RANBP3L: variants seen among roughly 807,000 people sequenced by gnomAD.
RANBP3L encodes RAN binding protein 3 like.
A neutral mutation model predicts 67.2 loss-of-function variants in RANBP3L; 56 were observed. The observed-to-expected ratio is 0.83, with a 90% CI of 0.67 to 1.04. RANBP3L has a LOEUF of 1.04. Among genes scored for constraint, RANBP3L ranks in the 50% least tolerant of loss-of-function variants. The pLI is 0.00. For synonymous variants in RANBP3L, 164 were observed against 181.4 expected (o/e 0.90, Z 0.77); for missense variants, 496 against 535.5 (o/e 0.93, Z 0.73).
intron 1 of RANBP3L, among the ~76,000 whole-genome samples, chr5:36,300,157 C>G (rs1752516003): frequency 6.6e-6 from 1 of 152,168 alleles, no homozygotes; most frequent in South Asian, 2.1e-4. Flanking sequence ...TGTTTACTAA[C>G]AGAGAAGCAA....
Position 36,257,564 on chromosome 5 carries a change from C to T in RANBP3L, c.670-8G>A, listed in dbSNP as rs374850317. 4.8e-5 allele frequency: 63 copies of T among 1,311,846 alleles called. No homozygotes were observed. Among genetic ancestry groups the T allele is most frequent in the African/African-American group, 8.9e-5 (6 of 67,084 alleles). 81.3% of individuals were successfully genotyped at this position (1,311,846 alleles called of 1,614,324 possible). A position where few individuals can be genotyped will look rare whatever the true frequency, so the allele number is the denominator to read the frequency against. On this transcript the variant is annotated splice_polypyrimidine_tract_variant and splice_region_variant and intron_variant, in intron 8 of 13. Transcript: ENST00000296604. ...GGTGAGTTTTTGAGTACCCTGAGAG[C>T]GGAAAAAGATGCATTATTTTATTTA...
chr5:36,269,095 C>T (rs1199322625), intron 4 of RANBP3L, among the ~76,000 whole-genome samples: 3 of 152,154 alleles, frequency 2.0e-5, no homozygotes, highest in African/African-American at 7.2e-5. Context: ...TAGCAAAATA[C>T]AGAGGCATGG....
chr5:36,268,114 A>T (rs981796972), intron 4 of RANBP3L: 13 of 936,626 alleles, frequency 1.4e-5, no homozygotes, highest in Non-Finnish European at 1.9e-5. Flanking sequence ...TATGATCGCT[A>T]AAAAAGAAAA....
At chr5:36,266,628 TC>T (rs1374754515) in intron 4 of RANBP3L, among the ~76,000 whole-genome samples, 1 of 152,194 alleles carries the variant, frequency 6.6e-6, no homozygotes, top group Non-Finnish European at 1.5e-5. Flanking sequence ...TGTGTGAGTG[TC>T]CAGTAAAAAA....
chr5:36,259,810 T>G (rs1365477952), intron 8 of RANBP3L, among the ~76,000 whole-genome samples: 1 of 152,066 alleles, frequency 6.6e-6, no homozygotes, highest in Non-Finnish European at 1.5e-5. Context: ...ACCATAGGCA[T>G]GGTTTTCCAC....
At chr5:36,249,718 GT>G in intron 13 of RANBP3L, 21 bp from the exon 14 acceptor site, 2 of 1,429,538 alleles carry the variant, frequency 1.4e-6, no homozygotes, top group Non-Finnish European at 1.9e-6. Flanking sequence ...AATTTAAAAT[GT>G]TTTATTATAC....
At position 36,249,675 on chromosome 5, in the gene RANBP3L, T is replaced by C; in HGVS notation, c.1377A>G (p.Arg459=). 1 of 1,559,322 alleles carries C rather than the reference T, an allele frequency of 6.4e-7. No individual in the cohort carries two copies. The highest frequency in any genetic ancestry group is 8.8e-7 in the Non-Finnish European group (1 of 1,140,960). The part of the protein sequence containing the change: ...NGSDPSSWTH[R]QSVACS ...GTATTCATGAACAGGCAACCGACTG[T>C]CTGTGAGTCCAACTAGAAGGATCTG... Residue 459 remains arginine, a synonymous_variant, in exon 14 of 14, where the codon AGA becomes AGG. Transcript: ENST00000296604.
intron 1 of RANBP3L, among the ~76,000 whole-genome samples, chr5:36,273,476 G>C (rs1750367333): frequency 6.6e-6 from 1 of 152,160 alleles, no homozygotes; most frequent in South Asian, 2.1e-4. Context: ...AGGGACACAT[G>C]GTCTAATTGA....
Position 36,253,696 on chromosome 5 carries a change from ATTCGTACATTT to A in RANBP3L, c.1107_1117del (p.Lys369AsnfsTer5). The A allele has an allele frequency of 6.2e-7, 1 of 1,611,622 alleles. No homozygotes were observed. The highest frequency in any genetic ancestry group is 8.5e-7 in the Non-Finnish European group (1 of 1,177,854). ...ATAGTCTTCTAAATCAGTAGCTGTT[ATTCGTACATTT>A]TTGTGGTTTGCTCTTTGAATCTTCA... On this transcript the variant is annotated frameshift_variant, in exon 12 of 14. Coordinates refer to ENST00000296604, the MANE Select transcript of RANBP3L (RefSeq NM_145000.5). LOFTEE classifies it high-confidence loss of function.
Position 36,257,531 on chromosome 5 carries a change from T to G in RANBP3L, c.695A>C (p.Gln232Pro). 6.3e-7 allele frequency: 1 copy of G among 1,578,580 alleles called. No individual in the cohort carries two copies. Among genetic ancestry groups the G allele is most frequent in the East Asian group, 2.3e-5 (1 of 43,632 alleles). ...CTTGGCATATGAATCATTTTCAAGT[T>G]GAGGCTGGGTGAGTTTTTGAGTACC... is the stretch of plus-strand genomic sequence containing the variant. ...VLGTQKLTQP[Q>P]LENDSYAKEK... Residue 232 changes from glutamine (Q) to proline (P), a missense_variant, in exon 9 of 14, where the codon CAA becomes CCA. Physicochemically the swap from Gln to Pro is moderately conservative, Grantham distance 76. Transcript: ENST00000296604.
chr5:36,254,503 G>C (rs538750945), intron 11 of RANBP3L, among the ~76,000 whole-genome samples: 26 of 151,922 alleles, frequency 1.7e-4, no homozygotes, highest in Non-Finnish European at 3.5e-4. Context: ...TTTTTCTTTG[G>C]GGGTATTTTT....
At chr5:36,293,497 C>T (rs1751957592) in intron 1 of RANBP3L, among the ~76,000 whole-genome samples, 1 of 151,778 alleles carries the variant, frequency 6.6e-6, no homozygotes. Flanking sequence ...AAAGGGAATG[C>T]TTCCAGTTTT....
Position 36,269,440 on chromosome 5 carries a change from A to G in RANBP3L, c.218T>C (p.Val73Ala). ...PECNGFPTKR[V>A]RSSSFTFHIT... is the part of the protein sequence containing the mutation. ...ATGAAAAGTAAAAGATGAAGACCGT[A>G]CACGCTTTGTTGGAAAACCATTACA... is the stretch of plus-strand genomic sequence containing the variant. The change falls in exon 4 of 14, where the codon GTA becomes GCA. Residue 73 changes from valine to alanine, a missense_variant. Coordinates refer to ENST00000296604, the MANE Select transcript of RANBP3L (RefSeq NM_145000.5). The G allele has an allele frequency of 6.3e-7, 1 of 1,578,780 alleles. No individual in the cohort carries two copies. Among genetic ancestry groups the G allele is most frequent in the African/African-American group, 1.3e-5 (1 of 74,574 alleles).
intron 1 of RANBP3L, among the ~76,000 whole-genome samples, chr5:36,300,935 A>C (rs1243741048): frequency 6.6e-6 from 1 of 152,194 alleles, no homozygotes; most frequent in Non-Finnish European, 1.5e-5. Flanking sequence ...CTTAGGCTTA[A>C]ACAAAGTGAA....
intron 10 of RANBP3L, 160 bp downstream of exon 10, chr5:36,256,781 A>G: frequency 3.3e-6 from 2 of 614,834 alleles, no homozygotes; most frequent in East Asian, 2.9e-5. Context: ...AAAATAAATT[A>G]TTGGTTCAAT....
At chr5:36,283,412 AAC>A (rs1491102249) in intron 1 of RANBP3L, among the ~76,000 whole-genome samples, 8 of 151,642 alleles carry the variant, frequency 5.3e-5, no homozygotes, top group African/African-American at 1.9e-4. Flanking sequence ...AAAAAAAAAA[AAC>A]ACCAAAATTT....
At chr5:36,289,929 T>C (rs1751595796) in intron 1 of RANBP3L, among the ~76,000 whole-genome samples, 1 of 152,204 alleles carries the variant, frequency 6.6e-6, no homozygotes, top group Non-Finnish European at 1.5e-5. Context: ...TGAATAGAAG[T>C]GATGATAATG....
In RANBP3L at chr5:36,260,789, TTC is replaced by T; in HGVS notation, c.658_659del (p.Glu220LysfsTer14). ...TATACCAAAATCTTACCAAAACTCT[TTC>T]TACCATGTTTTCTCCAAAAACAAAA... ...SNFVFGENMV[E>X]RVLGTQKLTQ... On this transcript the variant is annotated frameshift_variant, in exon 8 of 14. Transcript: ENST00000296604. LOFTEE classifies it high-confidence loss of function. The T allele has an allele frequency of 6.6e-7, 1 of 1,512,262 alleles. No individual in the cohort carries two copies. Among genetic ancestry groups the T allele is most frequent in the Non-Finnish European group, 9.1e-7 (1 of 1,093,386 alleles). 93.7% of individuals were successfully genotyped at this position (1,512,262 alleles called of 1,614,324 possible). A position where few individuals can be genotyped will look rare whatever the true frequency, so the allele number is the denominator to read the frequency against.
intron 6 of RANBP3L, 51 bp from the exon 7 acceptor site, chr5:36,262,093 G>A: frequency 2.3e-6 from 2 of 869,006 alleles, no homozygotes; most frequent in Admixed American, 1.9e-5. Flanking sequence ...CCTTACTATA[G>A]GACCATCAGA....
Sources: gnomAD v4.1 joint callset for allele counts (sites outside exome capture counted in the v4.1 genomes callset) on GRCh38, gnomAD v4.1.1 for gene constraint, MANE v1.5 for transcripts, NCBI Gene and HGNC (gene_info 2026-07-23, HGNC 2026-07-21) for gene names.